USP6: variants seen among roughly 807,000 people sequenced by gnomAD.
The protein encoded by USP6 is ubiquitin carboxyl-terminal hydrolase 6.
Under a neutral mutation model 175.7 loss-of-function variants are expected in USP6, and 128 were observed. The ratio of observed to expected loss-of-function variants is 0.73; its 90% CI spans 0.63 to 0.84. The LOEUF is 0.84. Among genes scored for constraint, USP6 ranks in the 40% least tolerant of loss-of-function variants. USP6 has a pLI of 0.00. For synonymous variants in USP6, 562 were observed against 630.6 expected, an observed-to-expected ratio of 0.89 and a Z score of 1.63; for missense variants, 1,498 against 1,760.3, an observed-to-expected ratio of 0.85 and a Z score of 2.67.
At position 5,132,459 on chromosome 17, in the gene USP6, G is replaced by T. The variant is rs760792625; in HGVS notation, c.195+24G>T. 1 of 1,612,088 alleles carries T rather than the reference G, an allele frequency of 6.2e-7. No homozygotes were observed. Among genetic ancestry groups the T allele is most frequent in the Non-Finnish European group, 8.5e-7 (1 of 1,179,846 alleles). On this transcript the variant is annotated intron_variant, in intron 12 of 37. Transcript: ENST00000574788. This position sits in a 1 kb window ranked among gnomAD's most constrained non-coding sequence, Gnocchi z 4.7. Reference sequence around the variant, plus strand: ...AGGTAAGAGCCTGATGCGTGGAGGGGCTGGTCCAGGGACGTAGGGACTGGG... The same window carrying T: ...AGGTAAGAGCCTGATGCGTGGAGGGTCTGGTCCAGGGACGTAGGGACTGGG...
rs909700128 is a variant in USP6, at chr17:5,168,213, A to G, written c.3228+90A>G. 15 of 1,429,166 alleles carry G rather than the reference A, an allele frequency of 1.0e-5. No homozygotes were observed. In the African/African-American group the frequency reaches 1.8e-4, roughly 18 times the overall value. 88.5% of individuals were successfully genotyped at this position (1,429,166 alleles called of 1,614,324 possible). Reference sequence around the variant, plus strand: ...ACAGGAGGTTTTGTTATTTTTGAGAATAAGACTTTTCCTGCAGCAGTGTTT... The same window carrying G: ...ACAGGAGGTTTTGTTATTTTTGAGAGTAAGACTTTTCCTGCAGCAGTGTTT... On this transcript the variant is annotated intron_variant, in intron 34 of 37. Transcript: ENST00000574788.
At chr17:5,147,047 C>T in intron 28 of USP6, 36 bp from the exon 29 acceptor site, 1 of 1,570,868 alleles carries the variant, frequency 6.4e-7, no homozygotes, top group African/African-American at 1.4e-5. Context: ...TTATCTGAAA[C>T]ATCTCCCCCT....
intron 27 of USP6, 141 bp downstream of exon 27, chr17:5,145,720 C>T: frequency 8.1e-7 from 1 of 1,241,302 alleles, no homozygotes; most frequent in Non-Finnish European, 1.1e-6. Context: ...TAATTTTAGG[C>T]ATGACTTGAG....
At chr17:5,123,162 G>A (rs1198987926) in intron 4 of USP6, 1 of 153,406 alleles carries the variant, frequency 6.5e-6, no homozygotes, top group Non-Finnish European at 1.5e-5. Context: ...CTGGGCGCGC[G>A]GGGGCGTCAT....
chr17:5,142,578 G>T (rs2073479588), intron 25 of USP6, 76 bp downstream of exon 25: 27 of 1,503,408 alleles, frequency 1.8e-5, no homozygotes, highest in Non-Finnish European at 2.2e-5. Context: ...CTTGTTTTTT[G>T]TGTTTAGCCT....
chr17:5,132,082 C>T lies in USP6; in HGVS notation c.156-314C>T. 1.0e-6 allele frequency: 1 copy of T among 989,844 alleles called. No homozygotes were observed. Among genetic ancestry groups the T allele is most frequent in the Non-Finnish European group, 1.4e-6 (1 of 718,412 alleles). 61.3% of individuals were successfully genotyped at this position (989,844 alleles called of 1,614,324 possible). ...GGCCCCCATCCCATCTCAGGGCTAACCTTTCTCAGCTCCAGCAGAAAGCAC... is the reference window on the plus strand; with the variant it reads ...GGCCCCCATCCCATCTCAGGGCTAATCTTTCTCAGCTCCAGCAGAAAGCAC... On this transcript the variant is annotated intron_variant, in intron 11 of 37. Coordinates refer to ENST00000574788, the MANE Select transcript of USP6 (RefSeq NM_001304284.2). The surrounding 1 kb of genome is among the most constrained non-coding windows in gnomAD (Gnocchi z 4.7).
chr17:5,139,733 A>G, intron 22 of USP6, 59 bp downstream of exon 22: 1 of 1,597,878 alleles, frequency 6.3e-7, no homozygotes, highest in Non-Finnish European at 8.5e-7. Flanking sequence ...CCGGCCCTGC[A>G]GTGCACCCAG....
rs771183221 is a variant in USP6, at chr17:5,137,115, C to T, written c.760-6C>T. ...GGGCCCTGAGCACCTCTGTTCATCCCATCAGGACAAGGAAGGTCTATGCGG... is the reference window on the plus strand; with the variant it reads ...GGGCCCTGAGCACCTCTGTTCATCCTATCAGGACAAGGAAGGTCTATGCGG... On this transcript the variant is annotated splice_polypyrimidine_tract_variant and splice_region_variant and intron_variant, in intron 18 of 37. Coordinates refer to ENST00000574788, the MANE Select transcript of USP6 (RefSeq NM_001304284.2). 2 of 1,613,450 alleles carry T rather than the reference C, an allele frequency of 1.2e-6. No individual in the cohort carries two copies. Among genetic ancestry groups the T allele is most frequent in the Admixed American group, 1.7e-5 (1 of 59,998 alleles).
Position 5,174,191 on chromosome 17 carries a change from ATTAT to A in USP6, c.*1217_*1220del, listed in dbSNP as rs2074280956. The stretch of plus-strand genomic sequence containing the variant: ...TTGCTTACTTCATTTTTTCCCTCTA[ATTAT>A]TTAAGATTGGAACAAAAGTATAAAT... On this transcript the variant is annotated 3_prime_UTR_variant, in exon 38 of 38. Coordinates refer to ENST00000574788, the MANE Select transcript of USP6 (RefSeq NM_001304284.2). 5.2e-6 allele frequency: 1 copy of A among 193,624 alleles called. No homozygotes were observed. The highest frequency in any genetic ancestry group is 1.1e-5 in the Non-Finnish European group (1 of 92,626). The allele number at this position is 193,624 out of a possible 1,614,324, so 12.0% of individuals were successfully genotyped here.
Position 5,163,023 on chromosome 17 carries a change from C to T in USP6, c.3036+19C>T, listed in dbSNP as rs752208934. ...GGAAAGGGTAAGAATTTAGGGCCAC[C>T]GTAAAATGGTGGTTTTTATATGGGA... On this transcript the variant is annotated intron_variant, in intron 33 of 37. Transcript: ENST00000574788. The T allele has an allele frequency of 4.6e-6, 7 of 1,520,320 alleles. No homozygotes were observed. Among genetic ancestry groups the T allele is most frequent in the African/African-American group, 2.9e-5 (2 of 69,656 alleles). 94.2% of individuals were successfully genotyped at this position (1,520,320 alleles called of 1,614,324 possible). A position where few individuals can be genotyped will look rare whatever the true frequency, so the allele number is the denominator to read the frequency against.
chr17:5,172,424 G>A (rs2074245942), intron 37 of USP6, among the ~76,000 whole-genome samples: 1 of 152,080 alleles, frequency 6.6e-6, no homozygotes, highest in African/African-American at 2.4e-5. Flanking sequence ...CCAGCTGCTC[G>A]GGAGGCTGAG....
intron 7 of USP6, among the ~76,000 whole-genome samples, chr17:5,127,886 C>T (rs543113846): frequency 1.6e-4 from 25 of 152,362 alleles, no homozygotes; most frequent in Non-Finnish European, 2.8e-4. Context: ...AACGTCTGCA[C>T]ATGTTCAGTA....
chr17:5,146,175 G>A lies in USP6; in HGVS notation c.2319+1G>A, dbSNP rs774700133. 3 of 1,605,052 alleles carry A rather than the reference G, an allele frequency of 1.9e-6. No homozygotes were observed. Among genetic ancestry groups the A allele is most frequent in the East Asian group, 2.2e-5 (1 of 44,694 alleles). The stretch of plus-strand genomic sequence containing the variant: ...AGAAGTACATGATTCCAACATAAAG[G>A]TAATGTTAACTACTCTAAGAAACTT... On this transcript the variant is annotated splice_donor_variant, in intron 28 of 37. Coordinates refer to ENST00000574788, the MANE Select transcript of USP6 (RefSeq NM_001304284.2). LOFTEE classifies it high-confidence loss of function.
chr17:5,173,119 T>A lies in USP6; in HGVS notation c.*141T>A. The A allele has an allele frequency of 9.2e-7, 1 of 1,084,870 alleles. No individual in the cohort carries two copies. Among genetic ancestry groups the A allele is most frequent in the Non-Finnish European group, 1.3e-6 (1 of 770,158 alleles). 67.2% of individuals were successfully genotyped at this position (1,084,870 alleles called of 1,614,324 possible). A position where few individuals can be genotyped will look rare whatever the true frequency, so the allele number is the denominator to read the frequency against. On this transcript the variant is annotated 3_prime_UTR_variant, in exon 38 of 38. Coordinates refer to ENST00000574788, the MANE Select transcript of USP6 (RefSeq NM_001304284.2). ...GAACAAAAATTCTAATTAAAATAGTTAACTTGAAGAGTAGAAACAATTGTA... is the reference window on the plus strand; with the variant it reads ...GAACAAAAATTCTAATTAAAATAGTAAACTTGAAGAGTAGAAACAATTGTA...
At chr17:5,151,430 CAT>C (rs754882913) in intron 30 of USP6, among the ~76,000 whole-genome samples, 303 of 96,870 alleles carry the variant, frequency 3.1e-3, no homozygotes, top group African/African-American at 9.3e-3. Flanking sequence ...GCAAAGTCTG[CAT>C]GTGTGTGTGT....
chr17:5,144,144 C>G (rs2073537653), intron 25 of USP6, among the ~76,000 whole-genome samples: 1 of 151,980 alleles, frequency 6.6e-6, no homozygotes, highest in South Asian at 2.1e-4. Flanking sequence ...TTTATATCCT[C>G]TAAATAATTC....
chr17:5,165,586 A>AAAACAAAAC (rs1335909924), intron 33 of USP6, among the ~76,000 whole-genome samples: 2 of 152,132 alleles, frequency 1.3e-5, no homozygotes, highest in African/African-American at 4.8e-5. Context: ...GTCTCAAAAC[A>AAAACAAAAC]AAACAAAACA....
intron 32 of USP6, among the ~76,000 whole-genome samples, chr17:5,162,449 C>G (rs1356369220): frequency 6.6e-6 from 1 of 152,180 alleles, no homozygotes; most frequent in East Asian, 1.9e-4. Context: ...TGCCCAGCCT[C>G]TGTAAACTTT....
intron 9 of USP6, 40 bp downstream of exon 9, chr17:5,130,129 CTCTG>C: frequency 1.9e-6 from 1 of 534,166 alleles, no homozygotes; most frequent in Non-Finnish European, 3.4e-6. Context: ...CAACCGGATT[CTCTG>C]TCCAGGTCCC....
Sources: gnomAD v4.1 joint callset for allele counts (sites outside exome capture counted in the v4.1 genomes callset) on GRCh38, gnomAD v4.1.1 for gene constraint, Gnocchi (gnomAD v3.1) non-coding constraint, MANE v1.5 for transcripts, NCBI Gene and HGNC (gene_info 2026-07-23, HGNC 2026-07-21) for gene names.